EIF4EBP1: variants seen among roughly 807,000 people sequenced by gnomAD.
EIF4EBP1 encodes the protein eukaryotic translation initiation factor 4E-binding protein 1.
In EIF4EBP1, 5 loss-of-function variants were observed where a neutral mutation model predicts 9.2. The observed-to-expected ratio is 0.54, with a 90% CI of 0.28 to 1.14. EIF4EBP1 has a LOEUF of 1.14. EIF4EBP1 is among the 50% of genes most tolerant of loss of function. EIF4EBP1 has a pLI of 0.09. For synonymous variants in EIF4EBP1, 62 were observed against 67.0 expected (o/e 0.93, Z 0.36); for missense variants, 139 against 169.6 (o/e 0.82, Z 1.00).
intron 2 of EIF4EBP1, 136 bp from the exon 3 acceptor site, chr8:38,059,768 C>T: frequency 1.2e-6 from 1 of 810,336 alleles, no homozygotes. Context: ...AAAAAAAAAA[C>T]AAAAAAACAA....
chr8:38,034,247 T>C (rs1290547408), intron 1 of EIF4EBP1, among the ~76,000 whole-genome samples: 1 of 151,516 alleles, frequency 6.6e-6, no homozygotes, highest in East Asian at 1.9e-4. Context: ...AGGGTCTCTA[T>C]GTATTACCCA....
intron 1 of EIF4EBP1, among the ~76,000 whole-genome samples, chr8:38,034,102 A>C (rs558768765): frequency 6.6e-6 from 1 of 152,070 alleles, no homozygotes; most frequent in African/African-American, 2.4e-5. Flanking sequence ...GCTGGAGTAC[A>C]GTGGCACAAA....
chr8:38,049,108 A>G (rs1809483466), intron 1 of EIF4EBP1, among the ~76,000 whole-genome samples: 1 of 151,086 alleles, frequency 6.6e-6, no homozygotes. Context: ...CTGGGCAACA[A>G]GAGCGAAACT....
intron 1 of EIF4EBP1, among the ~76,000 whole-genome samples, chr8:38,031,528 A>G (rs1809220376): frequency 1.3e-5 from 2 of 152,144 alleles, no homozygotes; most frequent in Non-Finnish European, 2.9e-5. Context: ...ATGATGAAAT[A>G]AATCCTCGTG....
intron 1 of EIF4EBP1, among the ~76,000 whole-genome samples, chr8:38,032,065 C>T (rs1174821118): frequency 6.6e-6 from 1 of 152,192 alleles, no homozygotes; most frequent in Non-Finnish European, 1.5e-5. Flanking sequence ...AGGACAATTC[C>T]TGACAATTTT....
intron 1 of EIF4EBP1, among the ~76,000 whole-genome samples, chr8:38,045,381 C>G (rs905781109): frequency 1.3e-5 from 2 of 152,106 alleles, no homozygotes; most frequent in African/African-American, 4.8e-5. Context: ...GAGCCTAGTA[C>G]AATGCCGTTG....
chr8:38,044,220 A>C (rs1809420712), intron 1 of EIF4EBP1, among the ~76,000 whole-genome samples: 1 of 152,020 alleles, frequency 6.6e-6, no homozygotes, highest in Admixed American at 6.6e-5. Context: ...CCAATGGAAG[A>C]ATGCTTCTGC....
intron 1 of EIF4EBP1, among the ~76,000 whole-genome samples, chr8:38,050,495 G>A (rs953153854): frequency 6.6e-6 from 1 of 151,880 alleles, no homozygotes; most frequent in Non-Finnish European, 1.5e-5. Context: ...AACTACAGAC[G>A]TGTGCCACCA....
intron 1 of EIF4EBP1, among the ~76,000 whole-genome samples, chr8:38,049,638 T>C (rs1809492581): frequency 6.6e-6 from 1 of 151,574 alleles, no homozygotes; most frequent in Non-Finnish European, 1.5e-5. Flanking sequence ...CACACCACCA[T>C]GCCTGGCTAA....
chr8:38,038,113 A>G (rs538827870), intron 1 of EIF4EBP1, among the ~76,000 whole-genome samples: 1 of 152,202 alleles, frequency 6.6e-6, no homozygotes, highest in Admixed American at 6.6e-5. Flanking sequence ...ATCCTCATAC[A>G]GATAGTCCCC....
At chr8:38,055,600 A>G (rs1292933592) in intron 1 of EIF4EBP1, among the ~76,000 whole-genome samples, 1 of 150,840 alleles carries the variant, frequency 6.6e-6, no homozygotes, top group Admixed American at 6.6e-5. Flanking sequence ...TTATTATAGA[A>G]TCTATAATAT....
At chr8:38,045,547 A>G (rs1809438570) in intron 1 of EIF4EBP1, among the ~76,000 whole-genome samples, 1 of 151,810 alleles carries the variant, frequency 6.6e-6, no homozygotes, top group East Asian at 1.9e-4. Context: ...TACAAAAAAA[A>G]AAAAAAAATT....
At chr8:38,052,043 G>A (rs983245789) in intron 1 of EIF4EBP1, among the ~76,000 whole-genome samples, 1 of 152,186 alleles carries the variant, frequency 6.6e-6, no homozygotes, top group African/African-American at 2.4e-5. Flanking sequence ...CCCACCTTTG[G>A]CTAAAGAGTT....
chr8:38,047,289 C>G (rs1333796683), intron 1 of EIF4EBP1: 1 of 152,094 alleles, frequency 6.6e-6, no homozygotes, highest in East Asian at 1.9e-4. Flanking sequence ...CCTAGCACCT[C>G]GCATGGTGCT....
At chr8:38,055,840 C>CA (rs1297108174) in intron 1 of EIF4EBP1, among the ~76,000 whole-genome samples, 3 of 151,936 alleles carry the variant, frequency 2.0e-5, no homozygotes, top group Non-Finnish European at 4.4e-5. Context: ...ACTAAAGATA[C>CA]AAAAAATTAG....
Position 38,051,611 on chromosome 8 carries a change from T to G in EIF4EBP1, c.146-5470T>G, listed in dbSNP as rs906262799. On this transcript the variant is annotated intron_variant, in intron 1 of 2. Coordinates refer to ENST00000338825, the MANE Select transcript of EIF4EBP1 (RefSeq NM_004095.4). ...TCCTTTTATTTATATTTTTTTTTAT[T>G]TTTTTGTGACAGAGTCGTGCTCTGT... is the stretch of plus-strand genomic sequence containing the variant. Among the ~76,000 whole-genome samples the G allele has an allele frequency of 6.6e-5, 10 of 152,236 alleles. No homozygotes were observed. The East Asian group carries it at 1.9e-3, about 29-fold the overall frequency.
chr8:38,051,123 A>G (rs901268204), intron 1 of EIF4EBP1, among the ~76,000 whole-genome samples: 64 of 152,108 alleles, frequency 4.2e-4, no homozygotes, highest in African/African-American at 1.5e-3. Context: ...CATTTTCCAT[A>G]CAGACTTCCA....
rs1299217647 is a variant in EIF4EBP1, at chr8:38,057,404, G to A, written c.325+144G>A. ...CTAAGGAGCAGCTCAGAGCCCAGAG[G>A]GTGAGAGTAGGGGTGGGGAGGTTGA... On this transcript the variant is annotated intron_variant, in intron 2 of 2. Transcript: ENST00000338825. 5 of 1,020,358 alleles carry A rather than the reference G, an allele frequency of 4.9e-6. No homozygotes were observed. The African/African-American group carries it at 4.9e-5, about 10-fold the overall frequency. The allele number at this position is 1,020,358 out of a possible 1,614,324, so 63.2% of individuals were successfully genotyped here.
intron 2 of EIF4EBP1, 147 bp downstream of exon 2, chr8:38,057,407 GAGA>G: frequency 1.2e-5 from 12 of 997,242 alleles, no homozygotes; most frequent in Non-Finnish European, 1.7e-5. Context: ...CCCAGAGGGT[GAGA>G]GTAGGGGTGG....
Sources: gnomAD v4.1 joint callset for allele counts (sites outside exome capture counted in the v4.1 genomes callset) on GRCh38, gnomAD v4.1.1 for gene constraint, MANE v1.5 for transcripts, NCBI Gene and HGNC (gene_info 2026-07-23, HGNC 2026-07-21) for gene names.